Variants in ABL2 observed in about 807,000 individuals in gnomAD.
ABL2 encodes the protein tyrosine-protein kinase ABL2.
In ABL2, 49 loss-of-function variants were observed where a neutral mutation model predicts 107.7. The ratio of observed to expected loss-of-function variants is 0.45; its 90% CI spans 0.36 to 0.58. The LOEUF (loss-of-function observed/expected upper bound fraction) is 0.58, where lower values mean the gene tolerates loss of function less well. Ranked by LOEUF, ABL2 falls within the 20% of genes least tolerant of loss-of-function variation. The pLI is 0.00. For missense variants in ABL2, 1,245 were observed against 1,457.0 expected (o/e 0.85, Z 2.37); for synonymous variants, 549 against 548.6 (o/e 1.00, Z -0.01).
chr1:179,211,980 T>C (rs1453891350), intron 1 of ABL2, among the ~76,000 whole-genome samples: 1 of 152,096 alleles, frequency 6.6e-6, no homozygotes. Context: ...TGTGAAGAAA[T>C]ACCAGAGACT....
chr1:179,121,769 T>C lies in ABL2; in HGVS notation c.786A>G (p.Pro262=), dbSNP rs867212168. The stretch of plus-strand genomic sequence containing the variant: ...CTGTAGGCTTATTACACTTGGGTGC[T>C]GGGTAGTGTAATGTTGTCACCAGCC... ...ADGLVTTLHY[P]APKCNKPTVY... is the part of the protein sequence containing the mutation. The change falls in exon 5 of 12, where the codon CCA becomes CCG. Residue 262 remains proline, a synonymous_variant. Transcript: ENST00000502732. 9.3e-6 allele frequency: 15 copies of C among 1,613,986 alleles called. No individual in the cohort carries two copies. The Middle Eastern group carries it at 6.6e-4, about 71-fold the overall frequency.
intron 1 of ABL2, among the ~76,000 whole-genome samples, chr1:179,185,150 T>C (rs1323577627): frequency 6.6e-6 from 1 of 152,142 alleles, no homozygotes; most frequent in Non-Finnish European, 1.5e-5. Flanking sequence ...CTGTCTACTT[T>C]CTCTTGTTTA....
chr1:179,178,084 C>T (rs1414924197), intron 1 of ABL2, among the ~76,000 whole-genome samples: 1 of 152,098 alleles, frequency 6.6e-6, no homozygotes, highest in Non-Finnish European at 1.5e-5. Context: ...CAAAATTCTA[C>T]TGAAAGTAAC....
At chr1:179,112,174 G>T (rs955995987) in intron 10 of ABL2, 135 bp downstream of exon 10, 2 of 661,406 alleles carry the variant, frequency 3.0e-6, no homozygotes, top group African/African-American at 3.6e-5. Flanking sequence ...CTGATGCAAT[G>T]TCCTTGTAGT....
At chr1:179,209,399 T>A (rs1440000453) in intron 1 of ABL2, among the ~76,000 whole-genome samples, 1 of 152,192 alleles carries the variant, frequency 6.6e-6, no homozygotes, top group African/African-American at 2.4e-5. Flanking sequence ...TTACATAAGT[T>A]TCCCTGTTGA....
chr1:179,122,008 C>T, intron 4 of ABL2, 141 bp from the exon 5 acceptor site: 1 of 823,240 alleles, frequency 1.2e-6, no homozygotes, highest in Non-Finnish European at 1.8e-6. Flanking sequence ...TCACTGCAAG[C>T]TCCGCCTCCC....
intron 1 of ABL2, among the ~76,000 whole-genome samples, chr1:179,169,578 T>C (rs2102770438): frequency 6.6e-6 from 1 of 151,506 alleles, no homozygotes; most frequent in South Asian, 2.1e-4. Flanking sequence ...CTAAGAGACA[T>C]TAAACAGGTA....
intron 3 of ABL2, among the ~76,000 whole-genome samples, chr1:179,130,466 A>G (rs1165418839): frequency 6.6e-6 from 1 of 152,218 alleles, no homozygotes; most frequent in Non-Finnish European, 1.5e-5. Flanking sequence ...GGCTTTCTGC[A>G]TGAAGATAGT....
intron 1 of ABL2, among the ~76,000 whole-genome samples, chr1:179,147,453 G>A (rs1337252988): frequency 3.3e-5 from 5 of 152,140 alleles, no homozygotes; most frequent in Non-Finnish European, 7.3e-5. Flanking sequence ...GCAAAATCAT[G>A]GAATCAACCT....
Position 179,107,451 on chromosome 1 carries a change from T to C in ABL2, c.*267A>G, listed in dbSNP as rs1174486221. ...GGGCTGCATTGCCTTCCTTATGACA[T>C]ACACATGTTCCCTATTTTCCAGTGC... On this transcript the variant is annotated 3_prime_UTR_variant, in exon 12 of 12. Transcript: ENST00000502732. The C allele has an allele frequency of 1.0e-5, 5 of 484,084 alleles. No homozygotes were observed. The highest frequency in any genetic ancestry group is 4.0e-5 in the East Asian group (1 of 24,946). The allele number at this position is 484,084 out of a possible 1,614,324, so 30.0% of individuals were successfully genotyped here. A position where few individuals can be genotyped will look rare whatever the true frequency, so the allele number is the denominator to read the frequency against.
chr1:179,204,512 G>A (rs918873164), intron 1 of ABL2, among the ~76,000 whole-genome samples: 2 of 151,828 alleles, frequency 1.3e-5, no homozygotes, highest in Non-Finnish European at 2.9e-5. Context: ...TTGGGAGGCC[G>A]AGGCGGGCAG....
chr1:179,107,706 G>A lies in ABL2; in HGVS notation c.*12C>T. 1 of 1,585,256 alleles carries A rather than the reference G, an allele frequency of 6.3e-7. No homozygotes were observed. Among genetic ancestry groups the A allele is most frequent in the Non-Finnish European group, 8.6e-7 (1 of 1,162,598 alleles). ...CAGAAATGTGTGCATTTTCCCACCA[G>A]GCTAACAGTGGCTACCTCTGCACCA... On this transcript the variant is annotated 3_prime_UTR_variant, in exon 12 of 12. Coordinates refer to ENST00000502732, the MANE Select transcript of ABL2 (RefSeq NM_007314.4).
chr1:179,226,062 A>G (rs952937882), intron 1 of ABL2, among the ~76,000 whole-genome samples: 7 of 145,914 alleles, frequency 4.8e-5, no homozygotes, highest in South Asian at 2.1e-4. Context: ...AAAAAAAAAA[A>G]AAAAAAAAGA....
intron 1 of ABL2, among the ~76,000 whole-genome samples, chr1:179,141,841 C>A (rs1557950091): frequency 6.6e-6 from 1 of 152,138 alleles, no homozygotes; most frequent in Non-Finnish European, 1.5e-5. Flanking sequence ...GAGAAAAACA[C>A]CCTAACATTT....
intron 2 of ABL2, 47 bp downstream of exon 2, chr1:179,133,265 A>G: frequency 1.2e-6 from 2 of 1,611,928 alleles, no homozygotes; most frequent in South Asian, 2.2e-5. Flanking sequence ...CTCCATCTCT[A>G]CTGCCAATGC....
At chr1:179,183,796 T>G (rs901672337) in intron 1 of ABL2, 3 of 155,800 alleles carry the variant, frequency 1.9e-5, no homozygotes, top group Non-Finnish European at 2.9e-5. Context: ...TTCTTCCTGA[T>G]GAGCAAGGAG....
chr1:179,226,328 T>C (rs1663208007), intron 1 of ABL2, among the ~76,000 whole-genome samples: 1 of 137,472 alleles, frequency 7.3e-6, no homozygotes, highest in Non-Finnish European at 1.6e-5. Flanking sequence ...TTTTTTTTTT[T>C]TTTGAGACAG....
intron 1 of ABL2, among the ~76,000 whole-genome samples, chr1:179,143,753 G>C (rs1291826586): frequency 6.6e-6 from 1 of 152,226 alleles, no homozygotes; most frequent in African/African-American, 2.4e-5. Flanking sequence ...CTGGAAGGCA[G>C]TGGCGCGATC....
Position 179,229,637 on chromosome 1 carries a change from G to GCCGCCGCCGCCGCCGCCA in ABL2, c.-258_-241dup, listed in dbSNP as rs1019250245. 31 of 485,796 alleles carry GCCGCCGCCGCCGCCGCCA rather than the reference G, an allele frequency of 6.4e-5. No homozygotes were observed. Among genetic ancestry groups the GCCGCCGCCGCCGCCGCCA allele is most frequent in the African/African-American group, 2.5e-4 (12 of 47,822 alleles). The allele number at this position is 485,796 out of a possible 1,614,324, so 30.1% of individuals were successfully genotyped here. On this transcript the variant is annotated 5_prime_UTR_variant, in exon 1 of 12. Coordinates refer to ENST00000502732, the MANE Select transcript of ABL2 (RefSeq NM_007314.4). Reference sequence around the variant, plus strand: ...GTCGCGGCTCCGCGCCCCCAACGCCGCCGCCGCCGCCGCCGCCACCGCCGC... The same window carrying GCCGCCGCCGCCGCCGCCA: ...GTCGCGGCTCCGCGCCCCCAACGCCGCCGCCGCCGCCGCCGCCACCGCCGCCGCCGCCGCCACCGCCGC...
Sources: gnomAD v4.1 joint callset for allele counts (sites outside exome capture counted in the v4.1 genomes callset) on GRCh38, gnomAD v4.1.1 for gene constraint, MANE v1.5 for transcripts, NCBI Gene and HGNC (gene_info 2026-07-23, HGNC 2026-07-21) for gene names.